ANTXR2: variants seen among roughly 807,000 people sequenced by gnomAD.
The protein encoded by ANTXR2 is anthrax toxin receptor 2.
A neutral mutation model predicts 73.7 loss-of-function variants in ANTXR2; 44 were observed. The ratio of observed to expected loss-of-function variants is 0.60; its 90% CI spans 0.47 to 0.77. The LOEUF (loss-of-function observed/expected upper bound fraction) is 0.77. ANTXR2 is among the 30% of genes least tolerant of loss of function. The pLI is 0.00. For synonymous variants in ANTXR2, 217 were observed against 205.9 expected (o/e 1.05, Z -0.46); for missense variants, 604 against 592.5 (o/e 1.02, Z -0.20).
At chr4:79,928,415 A>G (rs1001759601) in intron 16 of ANTXR2, among the ~76,000 whole-genome samples, 1 of 152,182 alleles carries the variant, frequency 6.6e-6, no homozygotes, top group African/African-American at 2.4e-5. Flanking sequence ...ATAATGAAAA[A>G]GAGAGTTGGA....
intron 7 of ANTXR2, among the ~76,000 whole-genome samples, chr4:80,046,042 A>G (rs1733501005): frequency 6.6e-6 from 1 of 151,784 alleles, no homozygotes; most frequent in Non-Finnish European, 1.5e-5. Context: ...CTTGCAAGTA[A>G]GCAAGGAATA....
chr4:79,958,550 A>C (rs946355574), intron 16 of ANTXR2, among the ~76,000 whole-genome samples: 1 of 152,080 alleles, frequency 6.6e-6, no homozygotes, highest in African/African-American at 2.4e-5. Context: ...CTCATTCATG[A>C]GCCCCTCCAT....
chr4:80,057,195 G>A (rs1449604672), intron 3 of ANTXR2, among the ~76,000 whole-genome samples: 1 of 151,900 alleles, frequency 6.6e-6, no homozygotes, highest in Non-Finnish European at 1.5e-5. Flanking sequence ...CACTCCTACT[G>A]AGGATGATAG....
chr4:79,956,423 G>C (rs1728887491), intron 16 of ANTXR2, among the ~76,000 whole-genome samples: 1 of 152,018 alleles, frequency 6.6e-6, no homozygotes, highest in Non-Finnish European at 1.5e-5. Context: ...TGACAGCATG[G>C]AATAACGAGC....
At chr4:79,932,312 A>G (rs1021819992) in intron 16 of ANTXR2, among the ~76,000 whole-genome samples, 2 of 151,558 alleles carry the variant, frequency 1.3e-5, no homozygotes, top group African/African-American at 4.8e-5. Flanking sequence ...TTTTTTGACC[A>G]AGTCATATTA....
At chr4:79,960,644 C>G (rs1729106659) in intron 16 of ANTXR2, among the ~76,000 whole-genome samples, 1 of 151,832 alleles carries the variant, frequency 6.6e-6, no homozygotes. Context: ...GTTTCCTTCT[C>G]TCTTTTTTTA....
intron 6 of ANTXR2, 100 bp from the exon 7 acceptor site, chr4:80,054,452 C>A: frequency 1.2e-6 from 1 of 833,234 alleles, no homozygotes; most frequent in South Asian, 1.8e-5. Flanking sequence ...AAAAATTACC[C>A]CACAGGATTA....
chr4:80,072,633 G>A lies in ANTXR2; in HGVS notation c.-73C>T. On this transcript the variant is annotated 5_prime_UTR_variant, in exon 1 of 17. Transcript: ENST00000403729. ...CTCAGGAGGGTCGCAAAGGTGGCGG[G>A]AGTCACCCGGCACGCACTCTGGGGT... The A allele has an allele frequency of 1.5e-6, 2 of 1,374,798 alleles. No homozygotes were observed. The highest frequency in any genetic ancestry group is 1.7e-5 in the South Asian group (1 of 59,880). 85.2% of individuals were successfully genotyped at this position (1,374,798 alleles called of 1,614,324 possible).
rs562438397 is a variant in ANTXR2, at chr4:80,002,723, C to A, written c.1041+5798G>T. Among the ~76,000 whole-genome samples, 620 of 151,846 alleles carry A rather than the reference C, an allele frequency of 4.1e-3. 6 individuals are homozygous for A. Among genetic ancestry groups the A allele is most frequent in the African/African-American group, 0.014 (584 of 41,314 alleles). ...TCAAAAAAATTTACAAGAAAAAAAC[C>A]AACAACCCTATCAAAAAGTGGGTGA... On this transcript the variant is annotated intron_variant, in intron 12 of 16. Coordinates refer to ENST00000403729, the MANE Select transcript of ANTXR2 (RefSeq NM_058172.6).
intron 14 of ANTXR2, among the ~76,000 whole-genome samples, chr4:79,981,150 A>G (rs1729873970): frequency 6.6e-6 from 1 of 152,164 alleles, no homozygotes; most frequent in South Asian, 2.1e-4. Context: ...AAACATTTCC[A>G]TCTCCACATT....
At chr4:80,065,542 AAAG>A (rs1361226161) in intron 3 of ANTXR2, among the ~76,000 whole-genome samples, 2 of 152,354 alleles carry the variant, frequency 1.3e-5, no homozygotes, top group African/African-American at 4.8e-5. Flanking sequence ...GAGCAAGAGA[AAAG>A]AAGGCAGTGT....
chr4:79,918,280 T>TA, intron 16 of ANTXR2, among the ~76,000 whole-genome samples: 1 of 151,956 alleles, frequency 6.6e-6, no homozygotes. Context: ...AAAATGGGGC[T>TA]AAAAAACTAC....
chr4:79,922,122 T>C (rs940771437), intron 16 of ANTXR2, among the ~76,000 whole-genome samples: 6 of 152,206 alleles, frequency 3.9e-5, no homozygotes, highest in African/African-American at 1.4e-4. Flanking sequence ...ACTTATACCA[T>C]GGAGAGCAAA....
intron 12 of ANTXR2, among the ~76,000 whole-genome samples, chr4:80,002,018 C>T (rs989397493): frequency 6.6e-6 from 1 of 152,052 alleles, no homozygotes; most frequent in Non-Finnish European, 1.5e-5. Context: ...CCATCCCCAT[C>T]AAGCTACCAA....
chr4:79,984,868 C>T lies in ANTXR2; in HGVS notation c.1042-5G>A. 1 of 1,579,204 alleles carries T rather than the reference C, an allele frequency of 6.3e-7. No individual in the cohort carries two copies. Among genetic ancestry groups the T allele is most frequent in the Non-Finnish European group, 8.6e-7 (1 of 1,159,550 alleles). On this transcript the variant is annotated splice_polypyrimidine_tract_variant and splice_region_variant and intron_variant, in intron 12 of 16. Coordinates refer to ENST00000403729, the MANE Select transcript of ANTXR2 (RefSeq NM_058172.6). ...TGGTGGAGGATCCTTAATAACCTGT[C>T]AAAAAAAATCAAATATAAAAATTTC...
rs996708973 is a variant in ANTXR2, at chr4:80,010,788, C to T, written c.946-2172G>A. Reference sequence around the variant, plus strand: ...GCATCGACAAAATATTATGCATCTCCAGATACAAATATAATTTATTATTAC... The same window carrying T: ...GCATCGACAAAATATTATGCATCTCTAGATACAAATATAATTTATTATTAC... On this transcript the variant is annotated intron_variant, in intron 11 of 16. Coordinates refer to ENST00000403729, the MANE Select transcript of ANTXR2 (RefSeq NM_058172.6). Among the ~76,000 whole-genome samples the T allele has an allele frequency of 3.9e-5, 6 of 152,022 alleles. No homozygotes were observed. In the East Asian group the frequency reaches 5.8e-4, roughly 15 times the overall value.
chr4:79,922,057 T>C (rs1727613210), intron 16 of ANTXR2, among the ~76,000 whole-genome samples: 1 of 152,060 alleles, frequency 6.6e-6, no homozygotes, highest in Admixed American at 6.6e-5. Context: ...CTCTGCACAC[T>C]ATACTTCCAC....
intron 3 of ANTXR2, among the ~76,000 whole-genome samples, chr4:80,068,523 CT>C (rs548573618): frequency 9.2e-5 from 14 of 152,096 alleles, no homozygotes; most frequent in Non-Finnish European, 1.9e-4. Flanking sequence ...AATCCCAGAA[CT>C]TTGGGAGGTC....
chr4:79,999,428 C>G (rs528474571), intron 12 of ANTXR2, among the ~76,000 whole-genome samples: 1 of 152,056 alleles, frequency 6.6e-6, no homozygotes, highest in East Asian at 1.9e-4. Context: ...TGAGGCCTCC[C>G]CAGCTATGCA....
Sources: gnomAD v4.1 joint callset for allele counts (sites outside exome capture counted in the v4.1 genomes callset) on GRCh38, gnomAD v4.1.1 for gene constraint, MANE v1.5 for transcripts, NCBI Gene and HGNC (gene_info 2026-07-23, HGNC 2026-07-21) for gene names.